The following ANKS3 variants were observed in gnomAD, a reference collection of about 807,000 sequenced individuals.
The protein encoded by ANKS3 is ankyrin repeat and sterile alpha motif domain containing 3, also known as ankyrin repeat and SAM domain-containing protein 3.
Under a neutral mutation model 80.7 loss-of-function variants are expected in ANKS3, and 62 were observed. That is an observed-to-expected ratio of 0.77 (90% confidence interval 0.63 to 0.95). The LOEUF (loss-of-function observed/expected upper bound fraction) is 0.95. Ranked by LOEUF, ANKS3 falls within the 40% of genes least tolerant of loss-of-function variation. ANKS3 has a pLI of 0.00. For synonymous variants in ANKS3, 489 were observed against 355.3 expected (o/e 1.38, Z -4.23); for missense variants, 1,150 against 883.6 (o/e 1.30, Z -3.82).
At chr16:4,708,504 G>A (rs1221412206) in intron 7 of ANKS3, among the ~76,000 whole-genome samples, 1 of 152,000 alleles carries the variant, frequency 6.6e-6, no homozygotes, top group African/African-American at 2.4e-5. Flanking sequence ...CAAAAAACTA[G>A]AACAACAAAG....
intron 7 of ANKS3, among the ~76,000 whole-genome samples, chr16:4,707,876 C>A (rs147826002): frequency 6.6e-6 from 1 of 151,920 alleles, no homozygotes; most frequent in Non-Finnish European, 1.5e-5. Flanking sequence ...TTTGGGAGGC[C>A]GAGGTGGGCG....
At position 4,721,120 on chromosome 16, in the gene ANKS3, G is replaced by A. The variant is rs542194151; in HGVS notation, c.573+3630C>T. Among the ~76,000 whole-genome samples the A allele has an allele frequency of 3.0e-4, 45 of 148,704 alleles. 2 individuals carry two copies. Among genetic ancestry groups the A allele is most frequent in the South Asian group, 4.3e-4 (2 of 4,672 alleles). On this transcript the variant is annotated intron_variant, in intron 6 of 17. Coordinates refer to ENST00000304283, the MANE Select transcript of ANKS3 (RefSeq NM_133450.4). ...GGAGATCGAGACCATCCTGGCTAACGCGGTGAAACCCCGTCTCTACTAAAA... is the reference window on the plus strand; with the variant it reads ...GGAGATCGAGACCATCCTGGCTAACACGGTGAAACCCCGTCTCTACTAAAA...
At chr16:4,700,322 CAGG>C (rs1303635383) in intron 11 of ANKS3, 16 of 154,996 alleles carry the variant, frequency 1.0e-4, no homozygotes, top group Admixed American at 8.8e-4. Context: ...GAGGCTGAGG[CAGG>C]AGAATCGCTT....
At chr16:4,708,786 A>C (rs2080334814) in intron 7 of ANKS3, among the ~76,000 whole-genome samples, 1 of 151,864 alleles carries the variant, frequency 6.6e-6, no homozygotes, top group African/African-American at 2.4e-5. Flanking sequence ...TACAAAAAAA[A>C]AATTAGCCAG....
rs771163966 is a variant in ANKS3 at position 4,699,150 on chromosome 16, G to A, written c.1311C>T (p.Ile437=). Reference sequence around the variant, plus strand: ...ACACCTGCAGGTACTTCAGACACCCGATCTGCTCCAGCAGTGCGGCAAGGT... The same window carrying A: ...ACACCTGCAGGTACTTCAGACACCCAATCTGCTCCAGCAGTGCGGCAAGGT... The part of the protein sequence containing the change: ...PQDLAALLEQ[I]GCLKYLQVFE... Residue 437 remains isoleucine (I), a synonymous_variant, in exon 12 of 18, where the codon ATC becomes ATT. Transcript: ENST00000304283. 9.3e-6 allele frequency: 15 copies of A among 1,613,958 alleles called. No individual in the cohort carries two copies. The highest frequency in any genetic ancestry group is 5.0e-5 in the Admixed American group (3 of 60,008).
rs863980 is a variant in ANKS3 at position 4,701,044 on chromosome 16, C to T, written c.1210G>A (p.Ala404Thr). The T allele has an allele frequency of 0.54, 876,888 of 1,613,702 alleles. 239,554 individuals carry two copies. The highest frequency in any genetic ancestry group is 0.65 in the East Asian group (29,049 of 44,860). ...KNPDSQWPPR[A>T]ATDREGFLAE... ...AGAAAGCCTTCCCTGTCAGTTGCAG[C>T]GCGGGGAGGCCACTGGCTGTCAGGA... Residue 404 changes from alanine to threonine, a missense_variant, in exon 11 of 18, where the codon GCT (alanine) becomes ACT (threonine). By Grantham distance (58) the Ala-to-Thr change is moderately conservative. Transcript: ENST00000304283.
intron 6 of ANKS3, among the ~76,000 whole-genome samples, chr16:4,723,337 T>C (rs2081196822): frequency 6.6e-6 from 1 of 152,254 alleles, no homozygotes; most frequent in South Asian, 2.1e-4. Context: ...TGTCTATGTA[T>C]TTGCTTATTC....
intron 2 of ANKS3, among the ~76,000 whole-genome samples, 199 bp downstream of exon 2, chr16:4,731,313 T>C (rs1328184757): frequency 6.6e-6 from 1 of 152,202 alleles, no homozygotes; most frequent in Non-Finnish European, 1.5e-5. Context: ...ACAGTCTCGC[T>C]CTGTTGCCCA....
At chr16:4,727,704 T>A (rs2081423926) in intron 3 of ANKS3, 2 of 159,044 alleles carry the variant, frequency 1.3e-5, no homozygotes, top group Admixed American at 1.2e-4. Context: ...AAGAAGGGAC[T>A]CCACCGTGGA....
chr16:4,698,703 C>A, intron 13 of ANKS3, 97 bp downstream of exon 13: 2 of 1,537,952 alleles, frequency 1.3e-6, no homozygotes, highest in Admixed American at 1.9e-5. Context: ...CCACTGCATC[C>A]ACCTGACCCC....
intron 5 of ANKS3, among the ~76,000 whole-genome samples, chr16:4,725,980 GT>G (rs34382772): frequency 0.76 from 103,971 of 137,036 alleles, 39,776 homozygotes; most frequent in Middle Eastern, 0.87. Context: ...TGTTGTTTTT[GT>G]TTTTTTTTTT....
At chr16:4,696,930 G>C (rs898993383) in intron 17 of ANKS3, 34 bp from the exon 18 acceptor site, 1 of 1,204,754 alleles carries the variant, frequency 8.3e-7, no homozygotes, top group East Asian at 2.5e-5. Flanking sequence ...AAGGGAGGGG[G>C]ACAGGTGGGT....
intron 6 of ANKS3, among the ~76,000 whole-genome samples, chr16:4,718,076 A>ATTTT (rs780141955): frequency 2.2e-5 from 3 of 133,728 alleles, no homozygotes; most frequent in African/African-American, 5.6e-5. Flanking sequence ...TGCCTGGCCA[A>ATTTT]TTTTTTTTTT....
At chr16:4,699,243 A>G in intron 11 of ANKS3, 67 bp from the exon 12 acceptor site, 1 of 1,565,586 alleles carries the variant, frequency 6.4e-7, no homozygotes, top group Non-Finnish European at 8.6e-7. Context: ...GTTTTCCTCC[A>G]CTCGGAGCCC....
rs559682456 is a variant in ANKS3 at position 4,701,001 on chromosome 16, T to C, written c.1253A>G (p.Gln418Arg). The C allele has an allele frequency of 1.5e-5, 25 of 1,613,986 alleles. 1 individual carries two copies. The South Asian group carries it at 2.6e-4, about 17-fold the overall frequency. The change falls in exon 11 of 18, where the codon CAG becomes CGG. Residue 418 changes from glutamine (Q) to arginine (R), a missense_variant. Physicochemically the swap from Gln to Arg is conservative, Grantham distance 43 (BLOSUM62 1). Coordinates refer to ENST00000304283, the MANE Select transcript of ANKS3 (RefSeq NM_133450.4). Reference sequence around the variant, plus strand: ...TCCTGAGTAGGGGGCCCTCTGAGTCTGGGGGCTGGACTCAGCGAGAAAGCC... The same window carrying C: ...TCCTGAGTAGGGGGCCCTCTGAGTCCGGGGGCTGGACTCAGCGAGAAAGCC... Reference protein sequence around the residue: ...REGFLAESSPQTQRAPYSGPQ... With the variant: ...REGFLAESSPRTQRAPYSGPQ...
intron 16 of ANKS3, 51 bp from the exon 17 acceptor site, chr16:4,697,155 G>A (rs1364492195): frequency 1.3e-6 from 2 of 1,594,758 alleles, no homozygotes; most frequent in East Asian, 2.3e-5. Context: ...GGAGGGCTGG[G>A]TGGTGCTGCC....
At chr16:4,707,668 C>T (rs1286902950) in intron 7 of ANKS3, among the ~76,000 whole-genome samples, 4 of 152,098 alleles carry the variant, frequency 2.6e-5, no homozygotes, top group African/African-American at 9.7e-5. Flanking sequence ...CACCAACTTC[C>T]TTCATAAATC....
rs749232019 is a variant in ANKS3 at position 4,702,231 on chromosome 16, G to A, written c.880C>T (p.Pro294Ser). 6.3e-6 allele frequency: 10 copies of A among 1,582,954 alleles called. No individual in the cohort carries two copies. The highest frequency in any genetic ancestry group is 4.6e-5 in the South Asian group (4 of 87,870). ...CTGTTGAAGGTGACATAGCCACGGG[G>A]AGGAGCCTGCTCTGTGTACAGAATG... Reference protein sequence around the residue: ...APRPRYEQAPPRGYVTFNSSG... With the variant: ...APRPRYEQAPSRGYVTFNSSG... Residue 294 changes from proline to serine, a missense_variant, in exon 9 of 18, where the codon CCC becomes TCC. Physicochemically the swap from Pro to Ser is moderately conservative, Grantham distance 74. Transcript: ENST00000304283.
chr16:4,719,543 C>G (rs1199324433), intron 6 of ANKS3, among the ~76,000 whole-genome samples: 2 of 151,998 alleles, frequency 1.3e-5, no homozygotes, highest in Admixed American at 1.3e-4. Context: ...TGGCTCAGGT[C>G]TGTAACTCCA....
Sources: gnomAD v4.1 joint callset for allele counts (sites outside exome capture counted in the v4.1 genomes callset) on GRCh38, gnomAD v4.1.1 for gene constraint, MANE v1.5 for transcripts, NCBI Gene and HGNC (gene_info 2026-07-23, HGNC 2026-07-21) for gene names.